Variants in RSPO1 observed in about 807,000 individuals in gnomAD.
RSPO1 encodes the protein R-spondin 1.
In RSPO1, 18 loss-of-function variants were observed where a neutral mutation model predicts 26.0. The ratio of observed to expected loss-of-function variants is 0.69; its 90% CI spans 0.48 to 1.03. The LOEUF is 1.03. RSPO1 is among the 50% of genes least tolerant of loss of function. The pLI is 0.00. For synonymous variants in RSPO1, 133 were observed against 137.4 expected, an observed-to-expected ratio of 0.97 and a Z score of 0.22; for missense variants, 309 against 352.3, an observed-to-expected ratio of 0.88 and a Z score of 0.98.
chr1:37,633,019 G>A (rs963118587), intron 1 of RSPO1, among the ~76,000 whole-genome samples: 1 of 152,230 alleles, frequency 6.6e-6, no homozygotes, highest in African/African-American at 2.4e-5. Context: ...TTATTGGTGG[G>A]GGTAAGAAAG....
chr1:37,615,563 A>G (rs1001921406), intron 4 of RSPO1, among the ~76,000 whole-genome samples: 2 of 152,218 alleles, frequency 1.3e-5, no homozygotes, highest in Non-Finnish European at 2.9e-5. Flanking sequence ...TGAAAAGGGC[A>G]CCATCAATTG....
intron 1 of RSPO1, among the ~76,000 whole-genome samples, chr1:37,633,889 C>G (rs1644398286): frequency 6.6e-6 from 1 of 152,216 alleles, no homozygotes; most frequent in African/African-American, 2.4e-5. Context: ...CTGAGGTTCC[C>G]CTGGCTGGCC....
intron 3 of RSPO1, among the ~76,000 whole-genome samples, chr1:37,624,149 C>T (rs778934287): frequency 1.3e-5 from 2 of 151,968 alleles, no homozygotes; most frequent in Non-Finnish European, 2.9e-5. Flanking sequence ...TAGCTGGGCA[C>T]AGTGGCACAT....
At chr1:37,631,451 T>C (rs1178354100) in intron 2 of RSPO1, among the ~76,000 whole-genome samples, 2 of 152,146 alleles carry the variant, frequency 1.3e-5, no homozygotes, top group African/African-American at 2.4e-5. Flanking sequence ...TACACAATTC[T>C]CTCACCCACA....
intron 3 of RSPO1, among the ~76,000 whole-genome samples, chr1:37,622,297 G>A (rs1557434846): frequency 6.6e-6 from 1 of 152,214 alleles, no homozygotes; most frequent in Non-Finnish European, 1.5e-5. Context: ...TGGACAGCAG[G>A]AGGCAGTTGT....
intron 2 of RSPO1, among the ~76,000 whole-genome samples, chr1:37,630,687 G>A (rs573523533): frequency 6.6e-6 from 1 of 152,362 alleles, no homozygotes; most frequent in East Asian, 1.9e-4. Context: ...TCCCTCCCCT[G>A]ATCAGATGTG....
At chr1:37,617,614 A>T (rs997490995) in intron 3 of RSPO1, among the ~76,000 whole-genome samples, 1 of 124,338 alleles carries the variant, frequency 8.0e-6, no homozygotes, top group African/African-American at 3.0e-5. Flanking sequence ...GTGAGCTGAG[A>T]TTGTGCCATT....
At chr1:37,623,611 T>C (rs1017856789) in intron 3 of RSPO1, among the ~76,000 whole-genome samples, 6 of 151,746 alleles carry the variant, frequency 4.0e-5, no homozygotes, top group African/African-American at 1.5e-4. Flanking sequence ...GGGCTTTATA[T>C]AGCACGTGCC....
At chr1:37,615,657 A>C (rs1266379374) in intron 4 of RSPO1, among the ~76,000 whole-genome samples, 1 of 152,264 alleles carries the variant, frequency 6.6e-6, no homozygotes, top group Non-Finnish European at 1.5e-5. Context: ...GGCACTGAAC[A>C]AGTGGTGGGG....
chr1:37,613,963 A>G lies in RSPO1; in HGVS notation c.437-71T>C. Reference sequence around the variant, plus strand: ...ATCATGTCTCCTCCTCTGGCCCAGAATAGCCCAGGGGAGCATCTCCCACTT... The same window carrying G: ...ATCATGTCTCCTCCTCTGGCCCAGAGTAGCCCAGGGGAGCATCTCCCACTT... On this transcript the variant is annotated intron_variant, in intron 5 of 6. Coordinates refer to ENST00000356545, the MANE Select transcript of RSPO1 (RefSeq NM_001242908.2). This position sits in a 1 kb window ranked among gnomAD's most constrained non-coding sequence, Gnocchi z 4.5. 2.0e-6 allele frequency: 3 copies of G among 1,531,336 alleles called. No homozygotes were observed. Among genetic ancestry groups the G allele is most frequent in the South Asian group, 1.1e-5 (1 of 89,366 alleles). The allele number at this position is 1,531,336 out of a possible 1,614,324, so 94.9% of individuals were successfully genotyped here.
chr1:37,622,440 T>A (rs554568277), intron 3 of RSPO1, among the ~76,000 whole-genome samples: 2 of 152,212 alleles, frequency 1.3e-5, no homozygotes, highest in East Asian at 3.9e-4. Context: ...GAGTCCAGGA[T>A]TTCGAGGCTG....
intron 3 of RSPO1, among the ~76,000 whole-genome samples, chr1:37,623,084 G>A (rs925074524): frequency 6.6e-6 from 1 of 152,068 alleles, no homozygotes; most frequent in African/African-American, 2.4e-5. Flanking sequence ...CAGGGGGTCA[G>A]GTAGCTGAGC....
intron 3 of RSPO1, among the ~76,000 whole-genome samples, chr1:37,621,723 T>C (rs1403397298): frequency 6.6e-6 from 1 of 152,154 alleles, no homozygotes; most frequent in Non-Finnish European, 1.5e-5. Context: ...GGTCTGGAAC[T>C]CAAGAGAACT....
intron 3 of RSPO1, among the ~76,000 whole-genome samples, chr1:37,619,822 A>C (rs1570106127): frequency 1.3e-5 from 2 of 150,746 alleles, no homozygotes; most frequent in East Asian, 3.9e-4. Context: ...ATCTCGGCTC[A>C]CTGCAATCTC....
intron 3 of RSPO1, among the ~76,000 whole-genome samples, chr1:37,627,686 AAACAAAAC>A (rs1407647640): frequency 1.3e-4 from 19 of 151,712 alleles, no homozygotes; most frequent in African/African-American, 2.4e-4. Flanking sequence ...AAACAAAACA[AAACAAAAC>A]TATATATATA....
chr1:37,627,311 C>T (rs747876651), intron 3 of RSPO1, among the ~76,000 whole-genome samples: 2 of 152,068 alleles, frequency 1.3e-5, no homozygotes, highest in African/African-American at 2.4e-5. Context: ...CCCCCAGAAT[C>T]AGTAAGGCAA....
Position 37,633,720 on chromosome 1 carries a change from G to C in RSPO1, c.-356+846C>G, listed in dbSNP as rs569468756. 9.7e-4 allele frequency among the ~76,000 whole-genome samples: 147 copies of C among 152,134 alleles called. 1 individual carries two copies. Among genetic ancestry groups the C allele is most frequent in the Non-Finnish European group, 1.9e-3 (129 of 68,020 alleles). On this transcript the variant is annotated intron_variant, in intron 1 of 6. Transcript: ENST00000356545. ...ACCTGTCGGGATTAGCCTGTCTGTC[G>C]GAGCCAAGCCAGGTGCTGGGGCCGT... is the stretch of plus-strand genomic sequence containing the variant.
At chr1:37,618,664 G>A (rs1216282091) in intron 3 of RSPO1, among the ~76,000 whole-genome samples, 1 of 152,184 alleles carries the variant, frequency 6.6e-6, no homozygotes, top group Non-Finnish European at 1.5e-5. Flanking sequence ...CAACCAGTAG[G>A]CCATCGTGGC....
At position 37,614,326 on chromosome 1, in the gene RSPO1, C is replaced by T; in HGVS notation, c.294G>A (p.Lys98=). 6.2e-7 allele frequency: 1 copy of T among 1,613,710 alleles called. No individual in the cohort carries two copies. The highest frequency in any genetic ancestry group is 1.1e-5 in the South Asian group (1 of 91,070). The change falls in exon 5 of 7, where the codon AAG becomes AAA. Residue 98 remains lysine (K), a synonymous_variant. Coordinates refer to ENST00000356545, the MANE Select transcript of RSPO1 (RefSeq NM_001242908.2). ...TGAAGCAGGCCTCACAGTGCTCGAT[C>T]TTGCATTCTGAGGAGAGGACAGATT... ...NPDMNKCIKC[K]IEHCEACFSH... is the part of the protein sequence containing the mutation.
Sources: gnomAD v4.1 joint callset for allele counts (sites outside exome capture counted in the v4.1 genomes callset) on GRCh38, gnomAD v4.1.1 for gene constraint, Gnocchi (gnomAD v3.1) non-coding constraint, MANE v1.5 for transcripts, NCBI Gene and HGNC (gene_info 2026-07-23, HGNC 2026-07-21) for gene names.